Variants in PKD1L1 observed in about 807,000 individuals in gnomAD.
PKD1L1 encodes the protein polycystin 1 like 1, transient receptor potential channel interacting.
PKD1L1 carries 236 observed loss-of-function variants against 323.4 expected under a neutral mutation model. That is an observed-to-expected ratio of 0.73 (90% CI 0.66 to 0.81). The LOEUF (loss-of-function observed/expected upper bound fraction) is 0.81, where lower values mean the gene tolerates loss of function less well. PKD1L1 is among the 40% of genes least tolerant of loss of function. The probability of loss-of-function intolerance (pLI) is 0.00; values close to 1 mark genes in which losing one functional copy is unlikely to be tolerated. For synonymous variants in PKD1L1, 1,344 were observed against 1,335.0 expected, an observed-to-expected ratio of 1.01 and a Z score of -0.15; for missense variants, 3,320 against 3,508.0, an observed-to-expected ratio of 0.95 and a Z score of 1.35.
intron 13 of PKD1L1, 21 bp from the exon 14 acceptor site, chr7:47,898,215 A>G (rs778969359): frequency 1.9e-6 from 3 of 1,595,106 alleles, no homozygotes; most frequent in Non-Finnish European, 2.6e-6. Flanking sequence ...AGAAGAGAAG[A>G]TGTCTCATTA....
rs1784559417 is a variant in PKD1L1, at chr7:47,797,113, G to A, written c.8194-963C>T. 2.0e-5 allele frequency among the ~76,000 whole-genome samples: 3 copies of A among 152,052 alleles called. No homozygotes were observed. The South Asian group carries it at 6.2e-4, about 32-fold the overall frequency. On this transcript the variant is annotated intron_variant, in intron 54 of 56. Transcript: ENST00000289672. ...TGTTACCCACTGATAATGTTATAAGGCCCCAAGCTGCTGCTGGCTTCAGGA... is the reference window on the plus strand; with the variant it reads ...TGTTACCCACTGATAATGTTATAAGACCCCAAGCTGCTGCTGGCTTCAGGA...
At chr7:47,929,165 T>G in intron 7 of PKD1L1, 39 bp downstream of exon 7, 3 of 1,581,220 alleles carry the variant, frequency 1.9e-6, no homozygotes, top group African/African-American at 1.3e-5. Flanking sequence ...GCTCAGGACC[T>G]CCTTCCCAGG....
chr7:47,859,108 G>A (rs938907096), intron 26 of PKD1L1, among the ~76,000 whole-genome samples: 5 of 152,218 alleles, frequency 3.3e-5, no homozygotes, highest in African/African-American at 1.2e-4. Context: ...TTTAAGTCCA[G>A]GTTTGGTCTC....
rs1289745324 is a variant in PKD1L1, at chr7:47,884,602, C to T, written c.3261G>A (p.Gln1087=). 6.2e-7 allele frequency: 1 copy of T among 1,613,876 alleles called. No homozygotes were observed. Among genetic ancestry groups the T allele is most frequent in the Admixed American group, 1.7e-5 (1 of 60,030 alleles). ...CAGGCATAGAAGCACAGTCACCTGG[C>T]TGTCTTCCTCCCGATGGTATTGCTT... ...IQEAIPSGGR[Q]PAKDTSFPGS... The change falls in exon 19 of 57, where the codon CAG becomes CAA. Residue 1087 remains glutamine (Q), a synonymous_variant. Coordinates refer to ENST00000289672, the MANE Select transcript of PKD1L1 (RefSeq NM_138295.5).
intron 21 of PKD1L1, 68 bp downstream of exon 21, chr7:47,880,660 G>T: frequency 1.6e-6 from 2 of 1,282,872 alleles, no homozygotes; most frequent in South Asian, 1.4e-5. Context: ...TCCTTAGGAA[G>T]AGTAAACTCA....
In PKD1L1 at chr7:47,890,661, C is replaced by T; in HGVS notation, c.2556G>A (p.Glu852=). 1 of 1,614,114 alleles carries T rather than the reference C, an allele frequency of 6.2e-7. No individual in the cohort carries two copies. The highest frequency in any genetic ancestry group is 8.5e-7 in the Non-Finnish European group (1 of 1,180,022). ...LDAAAPTVSF[E]AQWLSDSYDQ... ...CATAGCTGTCACTGAGCCATTGTGC[C>T]TCAAAGGAAACAGTGGGAGCCGCGG... Residue 852 remains glutamate (E), a synonymous_variant, in exon 16 of 57, where the codon GAG becomes GAA. Transcript: ENST00000289672.
chr7:47,898,898 T>TA (rs781611829), intron 13 of PKD1L1, among the ~76,000 whole-genome samples: 113 of 139,104 alleles, frequency 8.1e-4, no homozygotes, highest in East Asian at 3.3e-3. Flanking sequence ...GTTCTTTTGC[T>TA]AAAAAAAAAA....
chr7:47,899,268 T>TTA (rs764735961), intron 13 of PKD1L1, among the ~76,000 whole-genome samples: 234 of 152,366 alleles, frequency 1.5e-3, no homozygotes, highest in African/African-American at 5.4e-3. Flanking sequence ...TGGTAGTCTT[T>TTA]TAAAGTGATG....
chr7:47,829,901 C>T, intron 43 of PKD1L1, 139 bp downstream of exon 43: 2 of 856,406 alleles, frequency 2.3e-6, no homozygotes, highest in Non-Finnish European at 3.8e-6. Context: ...CAGAGCCTGG[C>T]TCCTGGTTCT....
intron 42 of PKD1L1, among the ~76,000 whole-genome samples, chr7:47,830,382 A>G (rs1043909929): frequency 2.6e-5 from 4 of 152,248 alleles, no homozygotes; most frequent in African/African-American, 9.6e-5. Flanking sequence ...AGGCAGATGA[A>G]ACAGAGCACA....
chr7:47,931,001 A>G lies in PKD1L1; in HGVS notation c.737+103T>C. 3.3e-6 allele frequency: 4 copies of G among 1,204,892 alleles called. No homozygotes were observed. In the South Asian group the frequency reaches 4.6e-5, roughly 14 times the overall value. 74.6% of individuals were successfully genotyped at this position (1,204,892 alleles called of 1,614,324 possible). A position where few individuals can be genotyped will look rare whatever the true frequency, so the allele number is the denominator to read the frequency against. On this transcript the variant is annotated intron_variant, in intron 6 of 56. Transcript: ENST00000289672. Reference sequence around the variant, plus strand: ...TGGACTCAACTGCAACTATAATTAAAGCAAACAACGAAGATACTAAAATCA... The same window carrying G: ...TGGACTCAACTGCAACTATAATTAAGGCAAACAACGAAGATACTAAAATCA...
intron 53 of PKD1L1, 128 bp from the exon 54 acceptor site, chr7:47,801,007 T>A: frequency 1.2e-6 from 1 of 823,208 alleles, no homozygotes; most frequent in Non-Finnish European, 1.9e-6. Flanking sequence ...ATCAATCATG[T>A]CATCCCTGGT....
At position 47,866,465 on chromosome 7, in the gene PKD1L1, T is replaced by G; in HGVS notation, c.4046A>C (p.Gln1349Pro). Residue 1349 changes from glutamine to proline, a missense_variant, in exon 25 of 57, where the codon CAG becomes CCG. Gln to Pro is a moderately conservative substitution (Grantham distance 76). Coordinates refer to ENST00000289672, the MANE Select transcript of PKD1L1 (RefSeq NM_138295.5). ...GCATACTGAAGAAATTAATGCATCCTGTATTCGTGACCATTGGTTGCAGGA... is the reference window on the plus strand; with the variant it reads ...GCATACTGAAGAAATTAATGCATCCGGTATTCGTGACCATTGGTTGCAGGA... ...TASCNQWSRI[Q>P]DALISSVCRL... 1.2e-6 allele frequency: 2 copies of G among 1,613,882 alleles called. No individual in the cohort carries two copies. The highest frequency in any genetic ancestry group is 2.2e-5 in the South Asian group (2 of 90,962).
In PKD1L1 at chr7:47,936,904, G is replaced by C; in HGVS notation, c.340C>G (p.Gln114Glu). The change falls in exon 4 of 57, where the codon CAG (glutamine) becomes GAG (glutamate). Residue 114 changes from glutamine to glutamate, a missense_variant. Transcript: ENST00000289672. ...AALSVVNEKT[Q>E]AVVNEKTQAP... Reference sequence around the variant, plus strand: ...TGTGTTTTTTCATTAACAACAGCCTGTGTTTTTTCATTAACAACACTTAAC... The same window carrying C: ...TGTGTTTTTTCATTAACAACAGCCTCTGTTTTTTCATTAACAACACTTAAC... The C allele has an allele frequency of 6.2e-7, 1 of 1,613,714 alleles. No individual in the cohort carries two copies. Among genetic ancestry groups the C allele is most frequent in the East Asian group, 2.2e-5 (1 of 44,884 alleles).
chr7:47,843,617 A>G (rs574104278), intron 33 of PKD1L1, among the ~76,000 whole-genome samples: 1 of 151,932 alleles, frequency 6.6e-6, no homozygotes, highest in African/African-American at 2.4e-5. Flanking sequence ...TGTTTTGGAG[A>G]CCCTGCCTGT....
In PKD1L1 at chr7:47,903,048, G is replaced by A. The variant is rs146005815; in HGVS notation, c.1932-537C>T. Among the ~76,000 whole-genome samples the A allele has an allele frequency of 5.3e-5, 8 of 152,356 alleles. No homozygotes were observed. The East Asian group carries it at 1.5e-3, about 29-fold the overall frequency. On this transcript the variant is annotated intron_variant, in intron 12 of 56. Transcript: ENST00000289672. Reference sequence around the variant, plus strand: ...CTCCGGGTAAGGGGAGCATGTCACAGCTGTGGAGAGATTCAGGACAGTTGG... The same window carrying A: ...CTCCGGGTAAGGGGAGCATGTCACAACTGTGGAGAGATTCAGGACAGTTGG...
chr7:47,899,778 A>C (rs777936486), intron 13 of PKD1L1, among the ~76,000 whole-genome samples: 9 of 152,080 alleles, frequency 5.9e-5, no homozygotes, highest in Admixed American at 3.3e-4. Context: ...AACACGGTGA[A>C]ACCCTGTTTT....
intron 13 of PKD1L1, among the ~76,000 whole-genome samples, chr7:47,901,996 G>A (rs1787099070): frequency 6.9e-6 from 1 of 145,118 alleles, no homozygotes; most frequent in African/African-American, 2.8e-5. Flanking sequence ...AAATGCTACA[G>A]TTCTTAGCAT....
intron 56 of PKD1L1, among the ~76,000 whole-genome samples, chr7:47,787,875 C>T (rs930538915): frequency 4.6e-5 from 7 of 152,038 alleles, no homozygotes; most frequent in Non-Finnish European, 1.0e-4. Flanking sequence ...CCACACCTGG[C>T]TAATTTTGTA....
Sources: gnomAD v4.1 joint callset for allele counts (sites outside exome capture counted in the v4.1 genomes callset) on GRCh38, gnomAD v4.1.1 for gene constraint, MANE v1.5 for transcripts, NCBI Gene and HGNC (gene_info 2026-07-23, HGNC 2026-07-21) for gene names.